Variants in CYP4Z1 observed in about 807,000 individuals in gnomAD.
The protein encoded by CYP4Z1 is cytochrome P450 4Z1.
CYP4Z1 carries 41 observed loss-of-function variants against 54.2 expected under a neutral mutation model. That is an observed-to-expected ratio of 0.76 (90% CI 0.59 to 0.98). CYP4Z1 has a LOEUF of 0.98. Among genes scored for constraint, CYP4Z1 ranks in the 50% least tolerant of loss-of-function variants. The pLI, the probability that CYP4Z1 is intolerant of heterozygous loss-of-function variation, is 0.00. For synonymous variants in CYP4Z1, 163 were observed against 206.2 expected, an observed-to-expected ratio of 0.79 and a Z score of 1.79; for missense variants, 513 against 599.0, an observed-to-expected ratio of 0.86 and a Z score of 1.50.
chr1:47,097,709 A>G (rs143808110), intron 7 of CYP4Z1, among the ~76,000 whole-genome samples: 326 of 150,986 alleles, frequency 2.2e-3, no homozygotes, highest in Non-Finnish European at 3.3e-3. Flanking sequence ...TAGTTACTGT[A>G]GTCTTGTGGT....
At chr1:47,072,966 G>A (rs74591829) in intron 2 of CYP4Z1, among the ~76,000 whole-genome samples, 9,877 of 150,882 alleles carry the variant, frequency 0.065, 325 homozygotes, top group East Asian at 0.2. Flanking sequence ...CCATTTAACC[G>A]TTTTAAAGAT....
At chr1:47,069,591 A>G (rs1186211580) in intron 2 of CYP4Z1, among the ~76,000 whole-genome samples, 1 of 151,696 alleles carries the variant, frequency 6.6e-6, no homozygotes, top group Non-Finnish European at 1.5e-5. Flanking sequence ...ACCTTTGCCC[A>G]AAAGGGATGA....
At chr1:47,060,477 T>G in the CYP4Z1 span, among the ~76,000 whole-genome samples, 1 of 140,210 alleles carries the variant, frequency 7.1e-6, no homozygotes, top group Non-Finnish European at 1.5e-5. Context: ...GGGCATTACA[T>G]CAAGGTAAAG....
chr1:47,095,114 A>G (rs1035181077), intron 7 of CYP4Z1, among the ~76,000 whole-genome samples: 2 of 152,060 alleles, frequency 1.3e-5, no homozygotes, highest in Admixed American at 1.3e-4. Flanking sequence ...TCACATTTTA[A>G]TTATCTGGGC....
At chr1:47,064,955 A>G (rs1212867087), upstream of CYP4Z1, among the ~76,000 whole-genome samples, 2 of 152,344 alleles carry the variant, frequency 1.3e-5, no homozygotes, top group East Asian at 3.9e-4. Flanking sequence ...AAAAAGGGAC[A>G]TTATATAATG....
At chr1:47,068,319 G>A (rs1417499393) in intron 1 of CYP4Z1, among the ~76,000 whole-genome samples, 1 of 152,142 alleles carries the variant, frequency 6.6e-6, no homozygotes, top group African/African-American at 2.4e-5. Flanking sequence ...GGAAATCATG[G>A]CCCTGATGAC....
rs1163319737 is a variant in CYP4Z1 at position 47,116,882 on chromosome 1, G to C, written c.1349+150G>C. On this transcript the variant is annotated intron_variant, in intron 11 of 11. Coordinates refer to ENST00000334194, the MANE Select transcript of CYP4Z1 (RefSeq NM_178134.3). ...TCTTCTCTTGTGACCAGTGCATTTA[G>C]TTGGTACCCTTTTGAGCCCCCAAAG... The C allele has an allele frequency of 5.2e-6, 3 of 573,840 alleles. No homozygotes were observed. The African/African-American group carries it at 5.7e-5, about 11-fold the overall frequency. The allele number at this position is 573,840 out of a possible 1,614,324, so 35.5% of individuals were successfully genotyped here.
At chr1:47,057,335 A>AAAAAAAAAAAAAAATATATAT in the CYP4Z1 span, among the ~76,000 whole-genome samples, 4 of 28,486 alleles carry the variant, frequency 1.4e-4, no homozygotes, top group Admixed American at 5.3e-4. Context: ...AAGAAAAAAA[A>AAAAAAAAAAAAAAATATATAT]ATATATATAT....
intron 9 of CYP4Z1, among the ~76,000 whole-genome samples, chr1:47,115,285 A>G (rs1443375062): frequency 6.6e-6 from 1 of 152,080 alleles, no homozygotes; most frequent in Non-Finnish European, 1.5e-5. Context: ...ATCACACACC[A>G]GAGCCTGTTG....
At chr1:47,065,089 C>A (rs1369339826), upstream of CYP4Z1, among the ~76,000 whole-genome samples, 1 of 152,134 alleles carries the variant, frequency 6.6e-6, no homozygotes, top group African/African-American at 2.4e-5. Context: ...TAGTGGGGGA[C>A]TTTAATACTC....
intron 1 of CYP4Z1, 105 bp from the exon 2 acceptor site, chr1:47,068,517 G>T: frequency 7.2e-7 from 1 of 1,395,956 alleles, no homozygotes; most frequent in South Asian, 1.4e-5. Flanking sequence ...TGTCTGATGG[G>T]GTGGTGTCCA....
intron 2 of CYP4Z1, among the ~76,000 whole-genome samples, chr1:47,069,003 A>AT (rs750141134): frequency 3.3e-5 from 5 of 152,148 alleles, no homozygotes; most frequent in Non-Finnish European, 7.4e-5. Flanking sequence ...ATTTTTTCTG[A>AT]TGCTTCCATC....
rs1421298884 is a variant in CYP4Z1, at chr1:47,117,959, T to C, written c.*25T>C. ...ATTTTAAGTCCTTTCGTATAAGAATTAATGAGACAATTTTCCTACCAAAGG... is the reference window on the plus strand; with the variant it reads ...ATTTTAAGTCCTTTCGTATAAGAATCAATGAGACAATTTTCCTACCAAAGG... On this transcript the variant is annotated 3_prime_UTR_variant, in exon 12 of 12. Transcript: ENST00000334194. The C allele has an allele frequency of 3.1e-6, 5 of 1,604,716 alleles. No individual in the cohort carries two copies. Among genetic ancestry groups the C allele is most frequent in the Admixed American group, 1.7e-5 (1 of 59,148 alleles).
chr1:47,087,603 A>G (rs1239586269), intron 6 of CYP4Z1, among the ~76,000 whole-genome samples: 3 of 152,160 alleles, frequency 2.0e-5, no homozygotes, highest in East Asian at 1.9e-4. Flanking sequence ...GGCTGACACA[A>G]TGGGGTTTTC....
Position 47,099,241 on chromosome 1 carries a change from G to C in CYP4Z1, c.1024G>C (p.Asp342His). ...CCCTGAGCATCAGCAGAGATGCCGA[G>C]ATGAAATCAGGGAACTCCTAGGGGA... ...KYPEHQQRCR[D>H]EIRELLGDGS... Residue 342 changes from aspartate to histidine, a missense_variant, in exon 8 of 12, where the codon GAT (aspartate) becomes CAT (histidine). Coordinates refer to ENST00000334194, the MANE Select transcript of CYP4Z1 (RefSeq NM_178134.3). The C allele has an allele frequency of 6.2e-7, 1 of 1,613,486 alleles. No individual in the cohort carries two copies. Among genetic ancestry groups the C allele is most frequent in the East Asian group, 2.2e-5 (1 of 44,810 alleles).
chr1:47,117,492 T>C (rs1644838713), intron 11 of CYP4Z1, among the ~76,000 whole-genome samples: 1 of 152,136 alleles, frequency 6.6e-6, no homozygotes, highest in Non-Finnish European at 1.5e-5. Context: ...GGCTCTTACC[T>C]GTAATCCCAG....
At chr1:47,111,148 A>G (rs1457276034) in intron 9 of CYP4Z1, among the ~76,000 whole-genome samples, 1 of 152,100 alleles carries the variant, frequency 6.6e-6, no homozygotes, top group East Asian at 1.9e-4. Context: ...TGAACATAAG[A>G]CAGCTATTGA....
chr1:47,094,241 C>T (rs977774387), intron 6 of CYP4Z1, among the ~76,000 whole-genome samples: 4 of 152,336 alleles, frequency 2.6e-5, no homozygotes, highest in Non-Finnish European at 4.4e-5. Flanking sequence ...CCCTACATCA[C>T]AAACAAATTT....
At position 47,116,624 on chromosome 1, in the gene CYP4Z1, G is replaced by T. The variant is rs757175897; in HGVS notation, c.1267-26G>T. On this transcript the variant is annotated intron_variant, in intron 10 of 11. Coordinates refer to ENST00000334194, the MANE Select transcript of CYP4Z1 (RefSeq NM_178134.3). ...TGTGGGGGTGGGCTGGAGGGATTAG[G>T]ACTGGGATCTTCACTCTCATTACAG... The T allele has an allele frequency of 4.0e-5, 60 of 1,510,938 alleles. No individual in the cohort carries two copies. In the Middle Eastern group the frequency reaches 8.6e-4, roughly 22 times the overall value. The allele number at this position is 1,510,938 out of a possible 1,614,324, so 93.6% of individuals were successfully genotyped here.
Sources: allele counts gnomAD v4.1 joint callset (sites outside exome capture counted in the v4.1 genomes callset), GRCh38; gene constraint gnomAD v4.1.1; transcripts MANE v1.5; gene names NCBI Gene and HGNC (gene_info 2026-07-23, HGNC 2026-07-21).